Variants in PTPRD observed in about 807,000 individuals in gnomAD.
PTPRD encodes the protein protein tyrosine phosphatase receptor type D.
Under a neutral mutation model 214.5 loss-of-function variants are expected in PTPRD, and 34 were observed. That is an observed-to-expected ratio of 0.16 (90% CI 0.12 to 0.21). The LOEUF (loss-of-function observed/expected upper bound fraction) is 0.21. Among genes scored for constraint, PTPRD ranks in the 10% least tolerant of loss-of-function variants. The pLI, the probability that PTPRD is intolerant of heterozygous loss-of-function variation, is 1.00. For synonymous variants in PTPRD, 1,128 were observed against 845.7 expected, an observed-to-expected ratio of 1.33 and a Z score of -5.79; for missense variants, 2,545 against 2,398.7, an observed-to-expected ratio of 1.06 and a Z score of -1.27.
intron 3 of PTPRD, among the ~76,000 whole-genome samples, chr9:10,061,353 A>G (rs753076898): frequency 2.0e-5 from 3 of 152,058 alleles, no homozygotes; most frequent in Non-Finnish European, 4.4e-5. Flanking sequence ...TGAAGACTAT[A>G]ACTTAGGGAA....
chr9:8,618,150 C>T (rs566055556), intron 14 of PTPRD, among the ~76,000 whole-genome samples: 3 of 152,158 alleles, frequency 2.0e-5, no homozygotes, highest in African/African-American at 7.2e-5. Flanking sequence ...ACTTCCTCAA[C>T]AATAAGACCT....
At chr9:9,660,580 A>G (rs1445148932) in intron 7 of PTPRD, among the ~76,000 whole-genome samples, 1 of 152,032 alleles carries the variant, frequency 6.6e-6, no homozygotes, top group Non-Finnish European at 1.5e-5. Flanking sequence ...TTGTGTTCAG[A>G]AACTGAGAGT....
chr9:10,537,852 G>C (rs891871862), intron 2 of PTPRD, among the ~76,000 whole-genome samples: 4 of 152,000 alleles, frequency 2.6e-5, no homozygotes, highest in African/African-American at 9.7e-5. Context: ...CCTAAAGATG[G>C]TTGCCAGATC....
At chr9:10,368,566 A>T (rs550150979) in intron 2 of PTPRD, among the ~76,000 whole-genome samples, 2 of 152,142 alleles carry the variant, frequency 1.3e-5, no homozygotes, top group Non-Finnish European at 2.9e-5. Context: ...GTTTTAATGC[A>T]GGATACAGAA....
At chr9:10,008,800 C>T (rs961881205) in intron 4 of PTPRD, among the ~76,000 whole-genome samples, 2 of 151,856 alleles carry the variant, frequency 1.3e-5, no homozygotes, top group Non-Finnish European at 2.9e-5. Context: ...AATTTCCAGT[C>T]AATCAGTAAT....
At chr9:10,108,777 C>A (rs1357078432) in intron 3 of PTPRD, among the ~76,000 whole-genome samples, 3 of 151,814 alleles carry the variant, frequency 2.0e-5, no homozygotes, top group Non-Finnish European at 4.4e-5. Flanking sequence ...GGATACTATT[C>A]ATCCTTAAAA....
At chr9:8,338,317 A>T (rs1328327860) in intron 43 of PTPRD, among the ~76,000 whole-genome samples, 1 of 152,138 alleles carries the variant, frequency 6.6e-6, no homozygotes, top group African/African-American at 2.4e-5. Flanking sequence ...CCTTGGACTC[A>T]ACAATCCAGA....
At chr9:10,128,442 G>C (rs2098835661) in intron 3 of PTPRD, among the ~76,000 whole-genome samples, 1 of 152,076 alleles carries the variant, frequency 6.6e-6, no homozygotes, top group Non-Finnish European at 1.5e-5. Context: ...CAGAAGTCAA[G>C]GAACACCAAC....
intron 2 of PTPRD, among the ~76,000 whole-genome samples, chr9:10,597,303 T>C (rs1049828244): frequency 6.6e-6 from 1 of 151,722 alleles, no homozygotes; most frequent in African/African-American, 2.4e-5. Context: ...TTATATCCTA[T>C]AATAACTCAA....
intron 14 of PTPRD, among the ~76,000 whole-genome samples, chr9:8,581,220 A>G (rs1297587272): frequency 1.3e-5 from 2 of 152,224 alleles, no homozygotes; most frequent in Non-Finnish European, 2.9e-5. Flanking sequence ...ACCAAAAATT[A>G]AAGAGTTAAT....
chr9:10,171,442 G>A (rs1482242696), intron 3 of PTPRD, among the ~76,000 whole-genome samples: 1 of 152,060 alleles, frequency 6.6e-6, no homozygotes, highest in African/African-American at 2.4e-5. Flanking sequence ...CTTCTGACAT[G>A]ATTTGAGGCG....
intron 11 of PTPRD, among the ~76,000 whole-genome samples, chr9:9,012,497 A>T (rs192626041): frequency 8.5e-5 from 13 of 152,292 alleles, no homozygotes; most frequent in African/African-American, 3.1e-4. Context: ...CATGCATGAA[A>T]GGGAGTTATG....
intron 2 of PTPRD, among the ~76,000 whole-genome samples, chr9:10,571,311 C>T (rs1566992650): frequency 1.3e-5 from 2 of 152,100 alleles, no homozygotes; most frequent in African/African-American, 4.8e-5. Flanking sequence ...GATACCACAG[C>T]CCTCTGACAT....
At chr9:10,353,899 A>G (rs2097222956) in intron 2 of PTPRD, among the ~76,000 whole-genome samples, 1 of 152,058 alleles carries the variant, frequency 6.6e-6, no homozygotes, top group Non-Finnish European at 1.5e-5. Flanking sequence ...ATAAGTCATT[A>G]GGAATCTCCA....
At chr9:9,551,111 G>A (rs1316758828) in intron 8 of PTPRD, among the ~76,000 whole-genome samples, 2 of 151,786 alleles carry the variant, frequency 1.3e-5, no homozygotes, top group African/African-American at 4.8e-5. Flanking sequence ...GTATATTCTT[G>A]AAAAATAAGA....
At chr9:9,035,337 G>C (rs766553241) in intron 10 of PTPRD, among the ~76,000 whole-genome samples, 16 of 152,052 alleles carry the variant, frequency 1.1e-4, no homozygotes, top group Non-Finnish European at 1.3e-4. Context: ...CTGTCTTTTT[G>C]AAATGTATCT....
chr9:8,546,400 T>A (rs926867965), intron 14 of PTPRD, among the ~76,000 whole-genome samples: 1 of 152,222 alleles, frequency 6.6e-6, no homozygotes, highest in African/African-American at 2.4e-5. Context: ...ATGCAGAGAA[T>A]AGCATTTACT....
At chr9:10,297,042 T>C (rs538830491) in intron 3 of PTPRD, among the ~76,000 whole-genome samples, 22 of 150,406 alleles carry the variant, frequency 1.5e-4, no homozygotes, top group Non-Finnish European at 2.8e-4. Flanking sequence ...TAACACAGTA[T>C]GGTAAATCTG....
intron 3 of PTPRD, among the ~76,000 whole-genome samples, chr9:10,083,723 G>A (rs2098280380): frequency 6.6e-6 from 1 of 151,908 alleles, no homozygotes; most frequent in South Asian, 2.1e-4. Flanking sequence ...TCTATGGTAG[G>A]AGTCGGGGGT....
Sources: allele counts gnomAD v4.1 joint callset (sites outside exome capture counted in the v4.1 genomes callset), GRCh38; gene constraint gnomAD v4.1.1; transcripts MANE v1.5; gene names NCBI Gene and HGNC (gene_info 2026-07-23, HGNC 2026-07-21).